Variants in FRMD7 observed in about 807,000 individuals in gnomAD.
FRMD7 encodes the protein FERM domain-containing protein 7.
Under a neutral mutation model 44.1 loss-of-function variants are expected in FRMD7, and 14 were observed. The observed-to-expected ratio is 0.32, with a 90% CI of 0.21 to 0.50. FRMD7 has a LOEUF of 0.50. FRMD7 is among the 20% of genes least tolerant of loss of function. FRMD7 has a pLI of 0.99. For missense variants in FRMD7, 501 were observed against 522.3 expected, an observed-to-expected ratio of 0.96 and a Z score of 0.40; for synonymous variants, 212 against 187.4, an observed-to-expected ratio of 1.13 and a Z score of -1.07.
In FRMD7 at chrX:132,124,064, G is replaced by T. The variant is rs1212360116; in HGVS notation, c.57+3724C>A. On this transcript the variant is annotated intron_variant, in intron 1 of 11. Transcript: ENST00000298542. ...CTCATCACTACTACTGTGTGTGAGA[G>T]TGTGTGCACACATGCATGTGCATGT... Among the ~76,000 whole-genome samples the T allele has an allele frequency of 7.2e-5, 8 of 111,798 alleles. No individual in the cohort carries two copies. The East Asian group carries it at 2.3e-3, about 32-fold the overall frequency.
At chrX:132,102,728 C>T (rs1928536637) in intron 1 of FRMD7, among the ~76,000 whole-genome samples, 3 of 111,939 alleles carry the variant, frequency 2.7e-5, no homozygotes, top group African/African-American at 9.7e-5. Context: ...CAAATTCCAT[C>T]ATACACTCCA....
At chrX:132,091,111 A>G (rs1249777241) in intron 5 of FRMD7, among the ~76,000 whole-genome samples, 1 of 111,361 alleles carries the variant, frequency 9.0e-6, no homozygotes, top group Admixed American at 9.6e-5. Flanking sequence ...CCTCTGCTTA[A>G]ACTGCTTCGA....
intron 2 of FRMD7, 108 bp from the exon 3 acceptor site, chrX:132,099,618 T>C: frequency 3.7e-6 from 2 of 535,567 alleles, no homozygotes; most frequent in Non-Finnish European, 6.4e-6. Flanking sequence ...ACCAGGACTA[T>C]TTAGACTTCT....
chrX:132,102,384 G>T (rs745465549), intron 1 of FRMD7, among the ~76,000 whole-genome samples: 1 of 111,797 alleles, frequency 8.9e-6, no homozygotes, highest in South Asian at 3.7e-4. Context: ...AGGGAAAGGG[G>T]GTTTGATTTG....
intron 1 of FRMD7, among the ~76,000 whole-genome samples, chrX:132,125,412 G>A (rs12835584): frequency 9.9e-5 from 11 of 111,540 alleles, no homozygotes. Context: ...TTATCTTGAA[G>A]GACAATTTTC....
chrX:132,079,919 G>T, intron 11 of FRMD7, 87 bp downstream of exon 11: 1 of 678,265 alleles, frequency 1.5e-6, no homozygotes, highest in Non-Finnish European at 2.4e-6. Context: ...TACACACTGG[G>T]ATTCTGGCAG....
At chrX:132,097,914 A>G (rs1275908023) in intron 3 of FRMD7, among the ~76,000 whole-genome samples, 1 of 112,833 alleles carries the variant, frequency 8.9e-6, no homozygotes, top group African/African-American at 3.2e-5. Context: ...TGATTCAGTA[A>G]ATATTTGTTG....
intron 5 of FRMD7, among the ~76,000 whole-genome samples, chrX:132,089,990 T>A (rs1325971101): frequency 8.9e-6 from 1 of 112,551 alleles, no homozygotes; most frequent in Admixed American, 9.4e-5. Context: ...TGAAGACTTG[T>A]ATCCACAAGA....
chrX:132,085,822 C>G (rs918358483), intron 6 of FRMD7, 94 bp from the exon 7 acceptor site: 1 of 1,041,121 alleles, frequency 9.6e-7, no homozygotes, highest in African/African-American at 1.9e-5. Context: ...TTTCATGGAG[C>G]CTGAAACTTC....
chrX:132,078,076 AGCT>A lies in FRMD7; in HGVS notation c.1938_1940del (p.Ala647del). On this transcript the variant is annotated inframe_deletion, in exon 12 of 12. Coordinates refer to ENST00000298542, the MANE Select transcript of FRMD7 (RefSeq NM_194277.3). Reference sequence around the variant, plus strand: ...CTGATTCAGAATCACTGGATTCACTAGCTACATACCTTTCTGCTGTACTTTGAT... The same window carrying A: ...CTGATTCAGAATCACTGGATTCACTAACATACCTTTCTGCTGTACTTTGAT... The A allele has an allele frequency of 8.3e-7, 1 of 1,211,531 alleles. No individual in the cohort carries two copies. Among genetic ancestry groups the A allele is most frequent in the Non-Finnish European group, 1.1e-6 (1 of 895,232 alleles).
chrX:132,093,269 T>C (rs1277664874), intron 5 of FRMD7, among the ~76,000 whole-genome samples: 1 of 112,416 alleles, frequency 8.9e-6, no homozygotes, highest in Non-Finnish European at 1.9e-5. Flanking sequence ...AAAAATGAAC[T>C]TAAGATACAA....
chrX:132,085,857 G>T, intron 6 of FRMD7, 63 bp downstream of exon 6: 1 of 1,018,000 alleles, frequency 9.8e-7, no homozygotes, highest in Non-Finnish European at 1.4e-6. Flanking sequence ...TTGCTCTTAA[G>T]AGTCTGTCCC....
At chrX:132,119,438 G>A (rs1322107207) in intron 1 of FRMD7, among the ~76,000 whole-genome samples, 1 of 111,502 alleles carries the variant, frequency 9.0e-6, no homozygotes, top group African/African-American at 3.3e-5. Context: ...GGTGAATTTC[G>A]TCATCATAGA....
chrX:132,126,600 C>T (rs186363228), intron 1 of FRMD7, among the ~76,000 whole-genome samples: 1 of 112,018 alleles, frequency 8.9e-6, no homozygotes, highest in African/African-American at 3.2e-5. Context: ...AAAGCAATAT[C>T]TTTTGAATAC....
chrX:132,127,573 T>TTGAGAAAAGACAACTTGTTCTA (rs1929186242), intron 1 of FRMD7, among the ~76,000 whole-genome samples: 1 of 112,393 alleles, frequency 8.9e-6, no homozygotes, highest in Non-Finnish European at 1.9e-5. Context: ...TTGTTGTCCC[T>TTGAGAAAAGACAACTTGTTCTA]TGAGAAAAGA....
At chrX:132,086,821 T>C (rs754801342) in intron 5 of FRMD7, among the ~76,000 whole-genome samples, 8 of 112,022 alleles carry the variant, frequency 7.1e-5, no homozygotes, top group African/African-American at 9.7e-5. Flanking sequence ...ATCCTGATCA[T>C]ATATTATCAA....
intron 1 of FRMD7, among the ~76,000 whole-genome samples, chrX:132,120,776 G>C (rs1210821377): frequency 1.8e-5 from 2 of 112,401 alleles, no homozygotes; most frequent in African/African-American, 6.5e-5. Context: ...AGCCTGGCCT[G>C]GGGCCAGAGA....
chrX:132,105,279 G>A lies in FRMD7; in HGVS notation c.58-4563C>T, dbSNP rs959467776. On this transcript the variant is annotated intron_variant, in intron 1 of 11. Transcript: ENST00000298542. ...TATGAATAAAATGTATACATTTTATGTTAAAATAAAAAATTTGAGATGTCT... is the reference window on the plus strand; with the variant it reads ...TATGAATAAAATGTATACATTTTATATTAAAATAAAAAATTTGAGATGTCT... Among the ~76,000 whole-genome samples the A allele has an allele frequency of 7.2e-5, 8 of 111,818 alleles. No individual in the cohort carries two copies. In the East Asian group the frequency reaches 2.0e-3, roughly 27 times the overall value.
At chrX:132,093,303 G>C (rs1928235322) in intron 5 of FRMD7, among the ~76,000 whole-genome samples, 1 of 112,540 alleles carries the variant, frequency 8.9e-6, no homozygotes, top group South Asian at 3.7e-4. Context: ...GATCCTGCAG[G>C]ACTGGTAAGA....
Sources: gnomAD v4.1 joint callset for allele counts (sites outside exome capture counted in the v4.1 genomes callset) on GRCh38, gnomAD v4.1.1 for gene constraint, MANE v1.5 for transcripts, NCBI Gene and HGNC (gene_info 2026-07-23, HGNC 2026-07-21) for gene names.